Variants in ANKS1B observed in about 807,000 individuals in gnomAD.
ANKS1B encodes ankyrin repeat and sterile alpha motif domain-containing protein 1B.
Under a neutral mutation model 148.3 loss-of-function variants are expected in ANKS1B, and 36 were observed. The observed-to-expected ratio is 0.24, with a 90% CI of 0.19 to 0.32. The LOEUF (loss-of-function observed/expected upper bound fraction) is 0.32. Ranked by LOEUF, ANKS1B falls within the 10% of genes least tolerant of loss-of-function variation. The pLI is 1.00. For missense variants in ANKS1B, 1,157 were observed against 1,542.6 expected (o/e 0.75, Z 4.19); for synonymous variants, 542 against 560.8 (o/e 0.97, Z 0.47).
intron 17 of ANKS1B, among the ~76,000 whole-genome samples, chr12:98,893,066 T>G (rs1178100527): frequency 6.6e-6 from 1 of 152,154 alleles, no homozygotes; most frequent in Non-Finnish European, 1.5e-5. Context: ...ATTCTGAAGG[T>G]TTTTTTAAAA....
At chr12:99,873,766 T>C (rs1457727024) in intron 1 of ANKS1B, among the ~76,000 whole-genome samples, 1 of 152,124 alleles carries the variant, frequency 6.6e-6, no homozygotes, top group Non-Finnish European at 1.5e-5. Flanking sequence ...TAACACTAAA[T>C]CAGTAGACTT....
At chr12:99,072,280 G>A (rs1163219912) in intron 16 of ANKS1B, among the ~76,000 whole-genome samples, 1 of 152,016 alleles carries the variant, frequency 6.6e-6, no homozygotes, top group African/African-American at 2.4e-5. Context: ...GTTAATTTAG[G>A]GAGAATTTAT....
intron 17 of ANKS1B, among the ~76,000 whole-genome samples, chr12:98,986,057 G>T (rs1286253299): frequency 5.9e-5 from 9 of 151,902 alleles, no homozygotes; most frequent in Non-Finnish European, 1.2e-4. Flanking sequence ...CTATTCCATT[G>T]TTTTTTGGCT....
At chr12:99,008,766 A>T (rs1423058464) in intron 17 of ANKS1B, among the ~76,000 whole-genome samples, 1 of 152,238 alleles carries the variant, frequency 6.6e-6, no homozygotes. Flanking sequence ...CACTGTTCAC[A>T]TGCTGCAAGA....
At chr12:99,151,811 A>G (rs758037704) in intron 15 of ANKS1B, among the ~76,000 whole-genome samples, 18 of 152,190 alleles carry the variant, frequency 1.2e-4, no homozygotes, top group Non-Finnish European at 2.5e-4. Context: ...TATTTCCTAA[A>G]TAAAGTACAT....
At chr12:99,542,559 G>T (rs1202662822) in intron 9 of ANKS1B, among the ~76,000 whole-genome samples, 2 of 151,908 alleles carry the variant, frequency 1.3e-5, no homozygotes, top group African/African-American at 4.8e-5. Flanking sequence ...AAATTGAAAA[G>T]CTGGTTCTAA....
At chr12:99,203,109 T>C (rs1260776649) in intron 14 of ANKS1B, among the ~76,000 whole-genome samples, 3 of 152,214 alleles carry the variant, frequency 2.0e-5, no homozygotes, top group Admixed American at 6.5e-5. Context: ...ACAGGCATGG[T>C]TCAGTGGAGG....
intron 17 of ANKS1B, among the ~76,000 whole-genome samples, chr12:99,007,730 C>T (rs899535943): frequency 2.0e-5 from 3 of 152,174 alleles, no homozygotes; most frequent in Non-Finnish European, 2.9e-5. Flanking sequence ...TAGTATACTT[C>T]ATCCCAAAGA....
chr12:99,616,196 G>A (rs565595028), intron 9 of ANKS1B, among the ~76,000 whole-genome samples: 8 of 152,240 alleles, frequency 5.3e-5, no homozygotes, highest in African/African-American at 1.2e-4. Context: ...AATCAATATC[G>A]TGAAAATAGC....
chr12:98,761,844 A>T (rs1371921579), intron 25 of ANKS1B, among the ~76,000 whole-genome samples: 1 of 152,196 alleles, frequency 6.6e-6, no homozygotes, highest in Non-Finnish European at 1.5e-5. Context: ...CCATCCAGGG[A>T]GGAAAGGCCC....
intron 10 of ANKS1B, among the ~76,000 whole-genome samples, chr12:99,487,030 C>T (rs2096498852): frequency 1.3e-5 from 2 of 152,194 alleles, no homozygotes; most frequent in South Asian, 4.1e-4. Context: ...CTATCAAATG[C>T]ACCAGGGCTG....
At chr12:99,002,130 C>G (rs921357742) in intron 17 of ANKS1B, among the ~76,000 whole-genome samples, 6 of 152,158 alleles carry the variant, frequency 3.9e-5, no homozygotes, top group African/African-American at 1.4e-4. Context: ...GATATTTCTT[C>G]AAGATACTTA....
chr12:98,860,587 G>C (rs1008281579), intron 17 of ANKS1B, among the ~76,000 whole-genome samples: 1 of 152,192 alleles, frequency 6.6e-6, no homozygotes. Context: ...AAGACTCTGT[G>C]TTGTTCACCT....
chr12:99,950,274 T>C (rs556320180), intron 1 of ANKS1B, among the ~76,000 whole-genome samples: 18 of 152,154 alleles, frequency 1.2e-4, no homozygotes, highest in African/African-American at 4.1e-4. Context: ...CCAATTCTTT[T>C]AGTAGCTTGT....
rs1358746049 is a variant in ANKS1B, at chr12:98,932,465, A to C, written c.2779-100329T>G. Among the ~76,000 whole-genome samples the C allele has an allele frequency of 8.5e-5, 13 of 152,266 alleles. 1 individual carries two copies. The highest frequency in any genetic ancestry group is 8.5e-4 in the Admixed American group (13 of 15,290). On this transcript the variant is annotated intron_variant, in intron 17 of 26. Transcript: ENST00000683438. ...GTGTTTGTGGAAGGGAACAAATCTG[A>C]GGAGTGGCAAGCGGCGAAGACCAAA...
At chr12:99,226,002 G>A (rs980669860) in intron 14 of ANKS1B, among the ~76,000 whole-genome samples, 1 of 151,962 alleles carries the variant, frequency 6.6e-6, no homozygotes, top group African/African-American at 2.4e-5. Context: ...ATACTATCTA[G>A]TTCATACCTT....
intron 12 of ANKS1B, among the ~76,000 whole-genome samples, chr12:99,348,752 G>A (rs1039399772): frequency 2.3e-4 from 35 of 151,866 alleles, no homozygotes; most frequent in African/African-American, 6.5e-4. Context: ...AAAGGTGAAG[G>A]AGTTTTTCAC....
intron 12 of ANKS1B, among the ~76,000 whole-genome samples, chr12:99,303,674 T>C (rs534680346): frequency 3.7e-4 from 56 of 152,282 alleles, no homozygotes; most frequent in African/African-American, 1.2e-3. Context: ...CAGGTGGTGT[T>C]TGGTTACATG....
rs149895204 is a variant in ANKS1B at position 99,621,437 on chromosome 12, T to C, written c.1272+33630A>G. On this transcript the variant is annotated intron_variant, in intron 9 of 26. Transcript: ENST00000683438. ...TATATATTGTCTAAATACCCCCCAC[T>C]TAAAATCACAGAGAGGCAAATTGGA... is the stretch of plus-strand genomic sequence containing the variant. 1.3e-3 allele frequency among the ~76,000 whole-genome samples: 193 copies of C among 148,700 alleles called. 3 individuals are homozygous for C. The highest frequency in any genetic ancestry group is 6.5e-4 in the Non-Finnish European group (44 of 67,346).
Sources: gnomAD v4.1 joint callset for allele counts (sites outside exome capture counted in the v4.1 genomes callset) on GRCh38, gnomAD v4.1.1 for gene constraint, MANE v1.5 for transcripts, NCBI Gene and HGNC (gene_info 2026-07-23, HGNC 2026-07-21) for gene names.